MTPN: variants seen among roughly 807,000 people sequenced by gnomAD.
MTPN encodes granule cell differentiation protein.
A neutral mutation model predicts 13.5 loss-of-function variants in MTPN; 2 were observed. That is an observed-to-expected ratio of 0.15 (90% CI 0.06 to 0.47). The LOEUF is 0.47. Ranked by LOEUF, MTPN falls within the 20% of genes least tolerant of loss-of-function variation. The pLI is 0.97. For synonymous variants in MTPN, 46 were observed against 51.7 expected (o/e 0.89, Z 0.48); for missense variants, 79 against 137.9 (o/e 0.57, Z 2.14).
rs1798984178 is a variant in MTPN at position 135,929,695 on chromosome 7, G to C, written c.*231C>G. 2 of 554,550 alleles carry C rather than the reference G, an allele frequency of 3.6e-6. No homozygotes were observed. Among genetic ancestry groups the C allele is most frequent in the Middle Eastern group, 5.1e-4 (1 of 1,980 alleles). 34.4% of individuals were successfully genotyped at this position (554,550 alleles called of 1,614,324 possible). On this transcript the variant is annotated 3_prime_UTR_variant, in exon 4 of 4. Transcript: ENST00000393085. ...TGTATATTTTATTAGAAAGGGAAGA[G>C]GCTTACTTGATCAGGAATCCCAGTA...
intron 1 of MTPN, 97 bp downstream of exon 1, chr7:135,976,924 TCCTCCCGC>T: frequency 1.4e-6 from 1 of 724,844 alleles, no homozygotes; most frequent in Non-Finnish European, 2.5e-6. Flanking sequence ...AGGAAGTCTC[TCCTCCCGC>T]CCACCCCCAT....
rs952853734 is a variant in MTPN at position 135,928,146 on chromosome 7, G to A, written c.*1780C>T. 6.0e-6 allele frequency: 1 copy of A among 167,758 alleles called. No individual in the cohort carries two copies. Among genetic ancestry groups the A allele is most frequent in the Non-Finnish European group, 1.5e-5 (1 of 68,680 alleles). 10.4% of individuals were successfully genotyped at this position (167,758 alleles called of 1,614,324 possible). Reference sequence around the variant, plus strand: ...TTTTTAACCCAACTCTTAATAGGCTGCATTAAGACAGCAAAATTAGCCAAA... The same window carrying A: ...TTTTTAACCCAACTCTTAATAGGCTACATTAAGACAGCAAAATTAGCCAAA... On this transcript the variant is annotated 3_prime_UTR_variant, in exon 4 of 4. Transcript: ENST00000393085.
intron 3 of MTPN, among the ~76,000 whole-genome samples, chr7:135,946,380 A>G (rs1048743172): frequency 6.6e-6 from 1 of 152,258 alleles, no homozygotes; most frequent in Admixed American, 6.5e-5. Flanking sequence ...CTCACCTTGT[A>G]GCACTTAGGG....
chr7:135,964,761 C>A (rs1349403451), intron 1 of MTPN, among the ~76,000 whole-genome samples: 1 of 152,014 alleles, frequency 6.6e-6, no homozygotes, highest in East Asian at 1.9e-4. Context: ...ATCTTTGAAT[C>A]ATAAAGGTTT....
intron 1 of MTPN, among the ~76,000 whole-genome samples, chr7:135,957,952 G>A (rs1427681324): frequency 6.6e-6 from 1 of 152,116 alleles, no homozygotes; most frequent in Non-Finnish European, 1.5e-5. Context: ...CTAGACAACA[G>A]AATCAGAATC....
At position 135,929,715 on chromosome 7, in the gene MTPN, C is replaced by T; in HGVS notation, c.*211G>A. ...GAAGAGGCTTACTTGATCAGGAATCCCAGTAAAAGCCTGATCATGGTTCCT... is the reference window on the plus strand; with the variant it reads ...GAAGAGGCTTACTTGATCAGGAATCTCAGTAAAAGCCTGATCATGGTTCCT... On this transcript the variant is annotated 3_prime_UTR_variant, in exon 4 of 4. Coordinates refer to ENST00000393085, the MANE Select transcript of MTPN (RefSeq NM_145808.4). 1.8e-6 allele frequency: 1 copy of T among 569,062 alleles called. No individual in the cohort carries two copies. The highest frequency in any genetic ancestry group is 3.2e-6 in the Non-Finnish European group (1 of 308,484). The allele number at this position is 569,062 out of a possible 1,614,324, so 35.3% of individuals were successfully genotyped here.
intron 3 of MTPN, among the ~76,000 whole-genome samples, chr7:135,941,720 A>C (rs1799212710): frequency 6.6e-6 from 1 of 152,158 alleles, no homozygotes; most frequent in Non-Finnish European, 1.5e-5. Context: ...TAGTAAAAAT[A>C]TGATTTTAAT....
chr7:135,938,517 G>T (rs1799151274), intron 3 of MTPN, among the ~76,000 whole-genome samples: 1 of 152,180 alleles, frequency 6.6e-6, no homozygotes, highest in South Asian at 2.1e-4. Context: ...CAGGATTCTA[G>T]CAACCTTATG....
chr7:135,935,662 A>G (rs76122619), intron 3 of MTPN, among the ~76,000 whole-genome samples: 123 of 152,382 alleles, frequency 8.1e-4, no homozygotes, highest in African/African-American at 2.7e-3. Flanking sequence ...AATAGAATAA[A>G]GATAAATAAC....
At chr7:135,930,682 C>T (rs536376201) in intron 3 of MTPN, among the ~76,000 whole-genome samples, 2 of 152,266 alleles carry the variant, frequency 1.3e-5, no homozygotes, top group African/African-American at 2.4e-5. Flanking sequence ...TATGTTGTTT[C>T]ATCTGTCTAC....
intron 3 of MTPN, among the ~76,000 whole-genome samples, chr7:135,937,543 TAACA>T (rs1375090595): frequency 1.3e-5 from 2 of 152,202 alleles, no homozygotes; most frequent in Admixed American, 1.3e-4. Context: ...GATTTGCATA[TAACA>T]TACACACTTT....
chr7:135,935,243 CT>C (rs35519952), intron 3 of MTPN, among the ~76,000 whole-genome samples: 212 of 144,676 alleles, frequency 1.5e-3, no homozygotes, highest in Middle Eastern at 3.6e-3. Flanking sequence ...TGATTTCTTT[CT>C]TTTTTTTTTT....
intron 3 of MTPN, among the ~76,000 whole-genome samples, chr7:135,945,979 A>G (rs1210662653): frequency 6.6e-6 from 1 of 152,192 alleles, no homozygotes; most frequent in Non-Finnish European, 1.5e-5. Context: ...TAATAATAAA[A>G]TAGAACAACT....
intron 3 of MTPN, among the ~76,000 whole-genome samples, chr7:135,942,339 T>C (rs1446654390): frequency 6.6e-6 from 1 of 152,180 alleles, no homozygotes. Context: ...AGCACATCAA[T>C]CCTAAAGTCT....
At chr7:135,955,051 A>T (rs10254764) in intron 1 of MTPN, among the ~76,000 whole-genome samples, 14,955 of 152,234 alleles carry the variant, frequency 0.098, 1,064 homozygotes, top group African/African-American at 0.2. Context: ...TCAGACATTT[A>T]CATTACAATT....
intron 1 of MTPN, among the ~76,000 whole-genome samples, chr7:135,968,308 T>G (rs1799637036): frequency 6.6e-6 from 1 of 152,156 alleles, no homozygotes; most frequent in African/African-American, 2.4e-5. Context: ...AATTATTGCC[T>G]GAGGCCTCTG....
chr7:135,970,592 C>G lies in MTPN; in HGVS notation c.72+6437G>C, dbSNP rs181695799. ...GCTTTGCTTTTTTAAATAACAAGCT[C>G]ATAATATTGTTATAATTTCTATCAG... On this transcript the variant is annotated intron_variant, in intron 1 of 3. Transcript: ENST00000393085. 2.6e-5 allele frequency among the ~76,000 whole-genome samples: 4 copies of G among 152,086 alleles called. No individual in the cohort carries two copies. In the East Asian group the frequency reaches 7.7e-4, roughly 29 times the overall value.
intron 3 of MTPN, among the ~76,000 whole-genome samples, chr7:135,943,111 A>G (rs541281203): frequency 6.6e-6 from 1 of 152,344 alleles, no homozygotes; most frequent in African/African-American, 2.4e-5. Flanking sequence ...GACCAGTCCT[A>G]AAACTTTTTT....
At chr7:135,959,596 A>G (rs1236650366) in intron 1 of MTPN, among the ~76,000 whole-genome samples, 1 of 152,164 alleles carries the variant, frequency 6.6e-6, no homozygotes, top group Non-Finnish European at 1.5e-5. Flanking sequence ...TGAGTGTGCC[A>G]TCAACTATTT....
Sources: gnomAD v4.1 joint callset for allele counts (sites outside exome capture counted in the v4.1 genomes callset) on GRCh38, gnomAD v4.1.1 for gene constraint, MANE v1.5 for transcripts, NCBI Gene and HGNC (gene_info 2026-07-23, HGNC 2026-07-21) for gene names.